Variants in DSP observed in about 807,000 individuals in gnomAD.
The protein encoded by DSP is desmoplakin.
DSP carries 114 observed loss-of-function variants against 290.6 expected under a neutral mutation model. That is an observed-to-expected ratio of 0.39 (90% CI 0.34 to 0.46). The LOEUF (loss-of-function observed/expected upper bound fraction) is 0.46, where lower values mean the gene tolerates loss of function less well. Among genes scored for constraint, DSP ranks in the 20% least tolerant of loss-of-function variants. The probability of loss-of-function intolerance (pLI) is 0.99; values close to 1 mark genes in which losing one functional copy is unlikely to be tolerated. For missense variants in DSP, 3,230 were observed against 3,495.8 expected, an observed-to-expected ratio of 0.92 and a Z score of 1.92; for synonymous variants, 1,311 against 1,316.4, an observed-to-expected ratio of 1.00 and a Z score of 0.09.
In DSP at chr6:7,580,903, G is replaced by C. The variant is rs375381133; in HGVS notation, c.4713G>C (p.Gln1571His). Reference protein sequence around the residue: ...NSLKELQLQKQKVEEELNRLK... With the variant: ...NSLKELQLQKHKVEEELNRLK... ...TGAAAGAGCTGCAGCTGCAGAAGCAGAAGGTGGAAGAGGAGCTGAATCGGC... is the reference window on the plus strand; with the variant it reads ...TGAAAGAGCTGCAGCTGCAGAAGCACAAGGTGGAAGAGGAGCTGAATCGGC... Residue 1571 changes from glutamine to histidine, a missense_variant, in exon 23 of 24, where the codon CAG becomes CAC. This residue lies in a region of DSP where 1,714 missense variants were observed against 1,844.5 expected (regional missense o/e 0.93). Transcript: ENST00000379802. This position sits in a 1 kb window ranked among gnomAD's most constrained non-coding sequence, Gnocchi z 4.2. The C allele has an allele frequency of 1.2e-6, 2 of 1,614,076 alleles. No individual in the cohort carries two copies. The highest frequency in any genetic ancestry group is 1.3e-5 in the African/African-American group (1 of 74,930).
chr6:7,580,955 TGCAAGAGGAAGAA>T lies in DSP; in HGVS notation c.4768_4780del (p.Lys1590TrpfsTer8). 6.2e-7 allele frequency: 1 copy of T among 1,614,068 alleles called. No individual in the cohort carries two copies. The highest frequency in any genetic ancestry group is 2.2e-5 in the East Asian group (1 of 44,874). ...GAAGAGGACCGCGTCAGAAGACTCC[TGCAAGAGGAAGAA>T]GCTGGAGGAAGAGCTGGAAGGCATG... On this transcript the variant is annotated frameshift_variant, in exon 23 of 24. Coordinates refer to ENST00000379802, the MANE Select transcript of DSP (RefSeq NM_004415.4). LOFTEE classifies it high-confidence loss of function. This position sits in a 1 kb window ranked among gnomAD's most constrained non-coding sequence, Gnocchi z 4.2.
Position 7,567,386 on chromosome 6 carries a change from T to C in DSP, c.1077T>C (p.Ser359=), listed in dbSNP as rs1179244955. ...AYMDTLQTQW[S]WILQITKCID... ...TGGACACTCTGCAGACGCAGTGGAG[T>C]TGGATTCTTCAGATCACCAAGTGCA... is the stretch of plus-strand genomic sequence containing the variant. Residue 359 remains serine, a synonymous_variant, in exon 9 of 24, where the codon AGT becomes AGC. Coordinates refer to ENST00000379802, the MANE Select transcript of DSP (RefSeq NM_004415.4). 6.2e-7 allele frequency: 1 copy of C among 1,613,920 alleles called. No homozygotes were observed. Among genetic ancestry groups the C allele is most frequent in the Non-Finnish European group, 8.5e-7 (1 of 1,180,020 alleles).
chr6:7,585,436 G>A lies in DSP; in HGVS notation c.8174G>A (p.Arg2725His), dbSNP rs776674939. 7 of 1,614,134 alleles carry A rather than the reference G, an allele frequency of 4.3e-6. No homozygotes were observed. In the South Asian group the frequency reaches 4.4e-5, roughly 10 times the overall value. Residue 2725 changes from arginine to histidine, a missense_variant, in exon 24 of 24, where the codon CGC becomes CAC. Physicochemically the swap from Arg to His is conservative, Grantham distance 29. Coordinates refer to ENST00000379802, the MANE Select transcript of DSP (RefSeq NM_004415.4). ...EKWLPYEAGQ[R>H]FLEFQYLTGG... is the part of the protein sequence containing the mutation. ...TGGCTCCCGTATGAGGCTGGCCAGCGCTTCCTGGAGTTCCAGTACCTCACG... is the reference window on the plus strand; with the variant it reads ...TGGCTCCCGTATGAGGCTGGCCAGCACTTCCTGGAGTTCCAGTACCTCACG...
At chr6:7,551,587 G>T (rs1425050310) in intron 1 of DSP, among the ~76,000 whole-genome samples, 1 of 151,696 alleles carries the variant, frequency 6.6e-6, no homozygotes, top group Non-Finnish European at 1.5e-5. Flanking sequence ...CTGAGATTGT[G>T]CCACTGCACT....
Position 7,584,514 on chromosome 6 carries a change from C to T in DSP, c.7252C>T (p.Pro2418Ser). The change falls in exon 24 of 24, where the codon CCC (proline) becomes TCC (serine). Residue 2418 changes from proline to serine, a missense_variant. Coordinates refer to ENST00000379802, the MANE Select transcript of DSP (RefSeq NM_004415.4). The surrounding 1 kb of genome is among the most constrained non-coding windows in gnomAD (Gnocchi z 6.4). Reference sequence around the variant, plus strand: ...TGATGATACCAAAGGATTTTTTGACCCCAACACTGAAGAAAATCTTACCTA... The same window carrying T: ...TGATGATACCAAAGGATTTTTTGACTCCAACACTGAAGAAAATCTTACCTA... The part of the protein sequence containing the change: ...PSDDTKGFFD[P>S]NTEENLTYLQ... 2 of 1,613,948 alleles carry T rather than the reference C, an allele frequency of 1.2e-6. No individual in the cohort carries two copies. The highest frequency in any genetic ancestry group is 1.7e-6 in the Non-Finnish European group (2 of 1,179,970).
At position 7,555,744 on chromosome 6, in the gene DSP, A is replaced by T. The variant is rs794728152; in HGVS notation, c.197A>T (p.Gln66Leu). The change falls in exon 2 of 24, where the codon CAG becomes CTG. Residue 66 changes from glutamine (Q) to leucine (L), a missense_variant. Coordinates refer to ENST00000379802, the MANE Select transcript of DSP (RefSeq NM_004415.4). ...CAAACCGGCACGATGTCCAGGCACCAGAACCAGAACACCATCCAGGAGCTG... is the reference window on the plus strand; with the variant it reads ...CAAACCGGCACGATGTCCAGGCACCTGAACCAGAACACCATCCAGGAGCTG... ...YCQTGTMSRHQNQNTIQELLQ... is the reference protein window; with the variant it reads ...YCQTGTMSRHLNQNTIQELLQ... The T allele has an allele frequency of 6.2e-7, 1 of 1,614,140 alleles. No individual in the cohort carries two copies. Among genetic ancestry groups the T allele is most frequent in the African/African-American group, 1.3e-5 (1 of 74,950 alleles).
Position 7,541,797 on chromosome 6 carries a change from T to G in DSP, c.-119T>G. ...TAGCGAGCAGCGACCTCGCGAGCCT[T>G]CCGCACTCCCGCCCGGTTCCCCGGC... On this transcript the variant is annotated 5_prime_UTR_variant, in exon 1 of 24. Transcript: ENST00000379802. The G allele has an allele frequency of 6.0e-6, 8 of 1,343,550 alleles. No individual in the cohort carries two copies. The highest frequency in any genetic ancestry group is 2.4e-5 in the Admixed American group (1 of 41,294). 83.2% of individuals were successfully genotyped at this position (1,343,550 alleles called of 1,614,324 possible).
intron 11 of DSP, 59 bp from the exon 12 acceptor site, chr6:7,569,127 A>G: frequency 6.2e-7 from 1 of 1,610,744 alleles, no homozygotes; most frequent in Admixed American, 1.7e-5. Context: ...TCATTGAGAA[A>G]AAAAATAAAA....
At position 7,584,133 on chromosome 6, in the gene DSP, T is replaced by C; in HGVS notation, c.6871T>C (p.Leu2291=). ...GLVRPGTALE[L]LEAQAATGFI... is the part of the protein sequence containing the mutation. Reference sequence around the variant, plus strand: ...AGTCCGACCTGGTACTGCTCTGGAGTTGCTGGAAGCCCAAGCAGCTACTGG... The same window carrying C: ...AGTCCGACCTGGTACTGCTCTGGAGCTGCTGGAAGCCCAAGCAGCTACTGG... The change falls in exon 24 of 24, where the codon TTG becomes CTG. Residue 2291 remains leucine (L), a synonymous_variant. Transcript: ENST00000379802. This position sits in a 1 kb window ranked among gnomAD's most constrained non-coding sequence, Gnocchi z 6.4. The C allele has an allele frequency of 6.2e-7, 1 of 1,613,850 alleles. No homozygotes were observed. Among genetic ancestry groups the C allele is most frequent in the Non-Finnish European group, 8.5e-7 (1 of 1,179,986 alleles).
intron 1 of DSP, among the ~76,000 whole-genome samples, chr6:7,548,203 G>T (rs1758223965): frequency 6.6e-6 from 1 of 151,964 alleles, no homozygotes; most frequent in Non-Finnish European, 1.5e-5. Context: ...GGAGGCAGAG[G>T]TTGCAGCGAG....
chr6:7,541,945 G>A lies in DSP; in HGVS notation c.30G>A (p.Arg10=). 1 of 1,609,588 alleles carries A rather than the reference G, an allele frequency of 6.2e-7. No individual in the cohort carries two copies. The highest frequency in any genetic ancestry group is 8.5e-7 in the Non-Finnish European group (1 of 1,178,908). The change falls in exon 1 of 24, where the codon CGG becomes CGA. Residue 10 remains arginine (R), a synonymous_variant. Coordinates refer to ENST00000379802, the MANE Select transcript of DSP (RefSeq NM_004415.4). MSCNGGSHP[R]INTLGRMIRA... is the part of the protein sequence containing the mutation. ...GCTGCAACGGAGGCTCCCACCCGCG[G>A]ATCAACACTCTGGGCCGCATGATCC...
intron 4 of DSP, among the ~76,000 whole-genome samples, chr6:7,561,955 A>C (rs1758706095): frequency 6.6e-6 from 1 of 152,214 alleles, no homozygotes; most frequent in Non-Finnish European, 1.5e-5. Flanking sequence ...ATTGTGAAAC[A>C]TTCTTAAATT....
At chr6:7,551,612 A>G (rs555363168) in intron 1 of DSP, among the ~76,000 whole-genome samples, 25 of 150,346 alleles carry the variant, frequency 1.7e-4, no homozygotes, top group African/African-American at 6.2e-4. Flanking sequence ...CCTGGGCGAC[A>G]GAGTGAGACT....
In DSP at chr6:7,583,654, C is replaced by T. The variant is rs1157408467; in HGVS notation, c.6392C>T (p.Ser2131Leu). The change falls in exon 24 of 24, where the codon TCA (serine) becomes TTA (leucine). Residue 2131 changes from serine to leucine, a missense_variant. Coordinates refer to ENST00000379802, the MANE Select transcript of DSP (RefSeq NM_004415.4). The surrounding 1 kb of genome is among the most constrained non-coding windows in gnomAD (Gnocchi z 4.0). ...GMRLLEAQIA[S>L]GGVVDPVNSV... ...CGCCTGCTGGAAGCCCAGATTGCTT[C>T]AGGGGGTGTAGTAGACCCTGTGAAC... 2 of 1,613,990 alleles carry T rather than the reference C, an allele frequency of 1.2e-6. No homozygotes were observed. Among genetic ancestry groups the T allele is most frequent in the Non-Finnish European group, 1.7e-6 (2 of 1,180,040 alleles).
chr6:7,573,098 A>G lies in DSP; in HGVS notation c.2131-988A>G, dbSNP rs547249298. ...ACTCCAGTCTGGGCAACAGAGCAAG[A>G]CCCTTCTCTTTAAAAAAAAATGTGT... On this transcript the variant is annotated intron_variant, in intron 15 of 23. Coordinates refer to ENST00000379802, the MANE Select transcript of DSP (RefSeq NM_004415.4). Among the ~76,000 whole-genome samples the G allele has an allele frequency of 1.6e-4, 24 of 151,752 alleles. No individual in the cohort carries two copies. In the East Asian group the frequency reaches 2.7e-3, roughly 17 times the overall value.
Position 7,580,835 on chromosome 6 carries a change from AG to A in DSP, c.4647del (p.Thr1550LeufsTer2). On this transcript the variant is annotated frameshift_variant, in exon 23 of 24. Transcript: ENST00000379802. LOFTEE classifies it high-confidence loss of function. The surrounding 1 kb of genome is among the most constrained non-coding windows in gnomAD (Gnocchi z 4.2). Reference sequence around the variant, plus strand: ...CGACTATGAAAGGGTTTCCCAGGAGAGGACTGTGAAGGACCAGGATATCACG... The same window carrying A: ...CGACTATGAAAGGGTTTCCCAGGAGAGACTGTGAAGGACCAGGATATCACG... ...RIDYERVSQE[R>X]TVKDQDITRF... 1 of 1,614,114 alleles carries A rather than the reference AG, an allele frequency of 6.2e-7. No homozygotes were observed. The highest frequency in any genetic ancestry group is 8.5e-7 in the Non-Finnish European group (1 of 1,180,020).
intron 12 of DSP, among the ~76,000 whole-genome samples, chr6:7,570,067 A>G (rs145997426): frequency 6.2e-4 from 95 of 152,332 alleles, no homozygotes; most frequent in African/African-American, 2.2e-3. Flanking sequence ...GAAATCTTCA[A>G]CCACACACTG....
intron 1 of DSP, among the ~76,000 whole-genome samples, chr6:7,552,662 G>T (rs72825064): frequency 1.0e-3 from 112 of 109,512 alleles, no homozygotes; most frequent in South Asian, 5.4e-3. Flanking sequence ...GTTACCTGTT[G>T]TTTTTTTTTT....
intron 22 of DSP, 152 bp downstream of exon 22, chr6:7,578,714 G>A (rs1759324853): frequency 1.5e-6 from 1 of 662,764 alleles, no homozygotes; most frequent in Non-Finnish European, 2.6e-6. Context: ...TTGTAAGTCT[G>A]GGGTTACTTC....
Sources: gnomAD v4.1 joint callset for allele counts (sites outside exome capture counted in the v4.1 genomes callset) on GRCh38, gnomAD v4.1.1 for gene constraint, gnomAD v4.1.1 regional missense constraint, Gnocchi (gnomAD v3.1) non-coding constraint, MANE v1.5 for transcripts, NCBI Gene and HGNC (gene_info 2026-07-23, HGNC 2026-07-21) for gene names.